KIZ: variants seen among roughly 807,000 people sequenced by gnomAD.
KIZ encodes centrosomal protein kizuna.
In KIZ, 68 loss-of-function variants were observed where a neutral mutation model predicts 79.6. The ratio of observed to expected loss-of-function variants is 0.85; its 90% CI spans 0.70 to 1.05. KIZ has a LOEUF of 1.05. Among genes scored for constraint, KIZ ranks in the 50% least tolerant of loss-of-function variants. The pLI, the probability that KIZ is intolerant of heterozygous loss-of-function variation, is 0.00. For missense variants in KIZ, 797 were observed against 800.4 expected, an observed-to-expected ratio of 1.00 and a Z score of 0.05; for synonymous variants, 280 against 281.8, an observed-to-expected ratio of 0.99 and a Z score of 0.06.
At chr20:21,208,027 T>C (rs965222903) in intron 7 of KIZ, among the ~76,000 whole-genome samples, 2 of 152,178 alleles carry the variant, frequency 1.3e-5, no homozygotes, top group Non-Finnish European at 2.9e-5. Flanking sequence ...TGAACGTAGA[T>C]CTTAAGAAAG....
chr20:21,230,997 G>A (rs1346493676), intron 10 of KIZ, among the ~76,000 whole-genome samples: 2 of 152,130 alleles, frequency 1.3e-5, no homozygotes, highest in Non-Finnish European at 2.9e-5. Flanking sequence ...GTCTGTTTCT[G>A]GTAAGTGTTA....
intron 6 of KIZ, among the ~76,000 whole-genome samples, chr20:21,185,250 T>C (rs1296659827): frequency 6.6e-6 from 1 of 152,222 alleles, no homozygotes. Flanking sequence ...CTCACTTTTT[T>C]TCTGACGGTT....
chr20:21,211,534 T>C (rs996062788), intron 7 of KIZ, among the ~76,000 whole-genome samples: 2 of 152,210 alleles, frequency 1.3e-5, no homozygotes, highest in African/African-American at 4.8e-5. Context: ...TCATAAGCAC[T>C]ATCAGAAAGC....
chr20:21,160,723 G>A (rs771483368), intron 4 of KIZ, among the ~76,000 whole-genome samples: 8 of 152,134 alleles, frequency 5.3e-5, no homozygotes, highest in Admixed American at 3.9e-4. Context: ...TAATCCCCAA[G>A]GTGATGGTTT....
At chr20:21,208,279 G>C (rs1568977989) in intron 7 of KIZ, among the ~76,000 whole-genome samples, 1 of 152,084 alleles carries the variant, frequency 6.6e-6, no homozygotes, top group Non-Finnish European at 1.5e-5. Flanking sequence ...GTGCTGTCCA[G>C]CTAATATCTA....
At chr20:21,160,224 C>G (rs923123162) in intron 4 of KIZ, among the ~76,000 whole-genome samples, 5 of 152,176 alleles carry the variant, frequency 3.3e-5, no homozygotes, top group Admixed American at 2.6e-4. Context: ...TATGGGACAG[C>G]TGGATGCAGC....
chr20:21,126,130 C>T lies in KIZ; in HGVS notation c.15C>T (p.Leu5=). The T allele has an allele frequency of 2.6e-6, 4 of 1,514,958 alleles. No individual in the cohort carries two copies. The South Asian group carries it at 3.7e-5, about 14-fold the overall frequency. The allele number at this position is 1,514,958 out of a possible 1,614,324, so 93.8% of individuals were successfully genotyped here. ...GCGGCAGCAGCATGAGCCGGACCCTCGCATCGGCCGTGCCCCTGTCGAGTC... is the reference window on the plus strand; with the variant it reads ...GCGGCAGCAGCATGAGCCGGACCCTTGCATCGGCCGTGCCCCTGTCGAGTC... MSRT[L]ASAVPLSSPD... The change falls in exon 1 of 13, where the codon CTC becomes CTT. Residue 5 remains leucine (L), a synonymous_variant. Transcript: ENST00000619189.
intron 4 of KIZ, among the ~76,000 whole-genome samples, chr20:21,156,737 T>C (rs892564647): frequency 6.6e-5 from 10 of 152,180 alleles, no homozygotes; most frequent in African/African-American, 2.4e-4. Context: ...AAATGCTCAC[T>C]GAAGTGCTTA....
At chr20:21,139,668 G>T (rs1239576742) in intron 3 of KIZ, among the ~76,000 whole-genome samples, 1 of 152,046 alleles carries the variant, frequency 6.6e-6, no homozygotes, top group Non-Finnish European at 1.5e-5. Context: ...TTGAAGGGAA[G>T]AATCATCTTT....
intron 9 of KIZ, among the ~76,000 whole-genome samples, chr20:21,220,859 C>T (rs1230120883): frequency 6.6e-6 from 1 of 152,190 alleles, no homozygotes; most frequent in African/African-American, 2.4e-5. Flanking sequence ...TACATCATAA[C>T]AGAAGATGGG....
intron 11 of KIZ, among the ~76,000 whole-genome samples, chr20:21,243,680 G>A (rs1034265175): frequency 2.6e-5 from 4 of 152,166 alleles, no homozygotes; most frequent in South Asian, 2.1e-4. Flanking sequence ...GGCCTCAGTC[G>A]AGACGGTCCT....
In KIZ at chr20:21,244,342, T is replaced by C. The variant is rs892161925; in HGVS notation, c.1924+54T>C. The C allele has an allele frequency of 1.1e-5, 14 of 1,258,114 alleles. No individual in the cohort carries two copies. The Admixed American group carries it at 2.3e-4, about 20-fold the overall frequency. 77.9% of individuals were successfully genotyped at this position (1,258,114 alleles called of 1,614,324 possible). On this transcript the variant is annotated intron_variant, in intron 12 of 12. Transcript: ENST00000619189. The stretch of plus-strand genomic sequence containing the variant: ...TCTTTTTCTGTTTTAACCAAAAAAC[T>C]CTGTGACATGCATTTGTTGTTTGCA...
chr20:21,195,250 A>T (rs1469877360), intron 6 of KIZ: 5 of 152,282 alleles, frequency 3.3e-5, no homozygotes, highest in Admixed American at 3.3e-4. Context: ...TGGCAGGACA[A>T]TCAAGCATTA....
At chr20:21,235,239 G>T (rs2036967135) in intron 11 of KIZ, among the ~76,000 whole-genome samples, 1 of 152,188 alleles carries the variant, frequency 6.6e-6, no homozygotes, top group South Asian at 2.1e-4. Flanking sequence ...TGTGATGGTG[G>T]TGGGGTTCGG....
At chr20:21,232,655 C>T in intron 10 of KIZ, 79 bp from the exon 11 acceptor site, 2 of 745,464 alleles carry the variant, frequency 2.7e-6, no homozygotes, top group Non-Finnish European at 4.8e-6. Context: ...ACCAAACTTA[C>T]TGTGAGGCCA....
Position 21,162,206 on chromosome 20 carries a change from A to G in KIZ, c.741A>G (p.Glu247=), listed in dbSNP as rs771405508. Reference sequence around the variant, plus strand: ...CAGCCAGTGTATTGTCTGAGGAGGAACAAACTCATTGCTTGGAGATAGGAA... The same window carrying G: ...CAGCCAGTGTATTGTCTGAGGAGGAGCAAACTCATTGCTTGGAGATAGGAA... ...PVTASVLSEE[E]QTHCLEIGSN... The change falls in exon 5 of 13, where the codon GAA becomes GAG. Residue 247 remains glutamate, a synonymous_variant. Transcript: ENST00000619189. The G allele has an allele frequency of 1.9e-6, 3 of 1,613,626 alleles. No homozygotes were observed. Among genetic ancestry groups the G allele is most frequent in the Admixed American group, 3.3e-5 (2 of 60,018 alleles).
At chr20:21,236,710 A>G (rs1261834860) in intron 11 of KIZ, among the ~76,000 whole-genome samples, 3 of 151,728 alleles carry the variant, frequency 2.0e-5, no homozygotes, top group African/African-American at 7.3e-5. Context: ...AAATGATATG[A>G]CAGGCCAGGC....
chr20:21,147,975 G>GTGTGTGTC (rs1270833920), intron 4 of KIZ, among the ~76,000 whole-genome samples: 1 of 151,580 alleles, frequency 6.6e-6, no homozygotes, highest in African/African-American at 2.4e-5. Context: ...GTGTGTGTGT[G>GTGTGTGTC]TGTGTGTGTG....
At chr20:21,148,588 T>A (rs1045213844) in intron 4 of KIZ, among the ~76,000 whole-genome samples, 6 of 152,198 alleles carry the variant, frequency 3.9e-5, no homozygotes, top group Non-Finnish European at 7.3e-5. Flanking sequence ...TTATATATAT[T>A]GTTATTTTTT....
Sources: gnomAD v4.1 joint callset for allele counts (sites outside exome capture counted in the v4.1 genomes callset) on GRCh38, gnomAD v4.1.1 for gene constraint, MANE v1.5 for transcripts, NCBI Gene and HGNC (gene_info 2026-07-23, HGNC 2026-07-21) for gene names.